The following GABPB1 variants were observed in gnomAD, a reference collection of about 807,000 sequenced individuals.
GABPB1 encodes the protein GA-binding protein subunit beta-1.
In GABPB1, 15 loss-of-function variants were observed where a neutral mutation model predicts 45.9. The observed-to-expected ratio is 0.33, with a 90% CI of 0.22 to 0.50. The LOEUF is 0.50. Among genes scored for constraint, GABPB1 ranks in the 20% least tolerant of loss-of-function variants. GABPB1 has a pLI of 0.98. For missense variants in GABPB1, 252 were observed against 457.5 expected (o/e 0.55, Z 4.10); for synonymous variants, 143 against 154.4 (o/e 0.93, Z 0.55).
intron 6 of GABPB1, among the ~76,000 whole-genome samples, chr15:50,292,534 A>G (rs2046384805): frequency 6.6e-6 from 1 of 152,154 alleles, no homozygotes; most frequent in African/African-American, 2.4e-5. Context: ...CCAAGTGGTC[A>G]TTATCAGGAT....
intron 6 of GABPB1, 117 bp from the exon 7 acceptor site, chr15:50,289,785 T>TTTTTTA (rs10645125): frequency 7.7e-6 from 6 of 782,488 alleles, no homozygotes; most frequent in South Asian, 1.9e-5. Flanking sequence ...TTTTCTTTTT[T>TTTTTTA]AAATAGAGAT....
rs140176493 is a variant in GABPB1, at chr15:50,289,779, C to CTTTTTTTT, written c.698-112_698-111insAAAAAAAA. On this transcript the variant is annotated intron_variant, in intron 6 of 8. Coordinates refer to ENST00000380877, the MANE Select transcript of GABPB1 (RefSeq NM_016654.5). ...TCTATGCTTCTTTCTTTTCTTTTTT[C>CTTTTTTTT]TTTTTTAAATAGAGATAGGGTCTCA... 1,472 of 736,364 alleles carry CTTTTTTTT rather than the reference C, an allele frequency of 2.0e-3. 2 individuals carry two copies. The highest frequency in any genetic ancestry group is 2.2e-3 in the Middle Eastern group (7 of 3,192). 45.6% of individuals were successfully genotyped at this position (736,364 alleles called of 1,614,324 possible).
chr15:50,293,157 C>T (rs1172426914), intron 6 of GABPB1, among the ~76,000 whole-genome samples: 1 of 152,136 alleles, frequency 6.6e-6, no homozygotes, highest in Non-Finnish European at 1.5e-5. Context: ...AATCAAGCTA[C>T]CATCCATATA....
chr15:50,323,922 G>T (rs1050678776), intron 1 of GABPB1, among the ~76,000 whole-genome samples: 69 of 152,018 alleles, frequency 4.5e-4, no homozygotes, highest in African/African-American at 1.5e-3. Flanking sequence ...TAAAAAAATG[G>T]CTGGGTGTGG....
intron 1 of GABPB1, chr15:50,354,262 CT>C (rs1235943962): frequency 1.4e-5 from 5 of 370,146 alleles, no homozygotes; most frequent in South Asian, 9.5e-5. Context: ...GCGGCGAAGT[CT>C]TTGGGGCAGA....
intron 1 of GABPB1, chr15:50,350,286 A>C (rs1471149845): frequency 6.6e-6 from 1 of 150,822 alleles, no homozygotes; most frequent in East Asian, 1.9e-4. Flanking sequence ...AAGCAGAAAT[A>C]GTACTACCCA....
chr15:50,346,519 A>T (rs1340205454), intron 1 of GABPB1: 3 of 152,144 alleles, frequency 2.0e-5, no homozygotes, highest in African/African-American at 7.2e-5. Flanking sequence ...AGTTAAGCTA[A>T]ACGTCTCAGA....
At chr15:50,297,749 C>T (rs569757573) in intron 6 of GABPB1, among the ~76,000 whole-genome samples, 54 of 152,184 alleles carry the variant, frequency 3.5e-4, no homozygotes, top group East Asian at 9.7e-4. Context: ...GCAGGAGAAT[C>T]GCTTGAACCC....
At chr15:50,288,811 G>A (rs1328541465) in intron 7 of GABPB1, among the ~76,000 whole-genome samples, 1 of 151,776 alleles carries the variant, frequency 6.6e-6, no homozygotes, top group East Asian at 1.9e-4. Context: ...CCTACTACAA[G>A]TCCTAAGTCC....
intron 2 of GABPB1, among the ~76,000 whole-genome samples, chr15:50,309,177 AAG>A (rs2141047399): frequency 6.6e-6 from 1 of 152,194 alleles, no homozygotes. Flanking sequence ...CCCAGAATTA[AAG>A]AGTTATTTTT....
chr15:50,302,445 C>G (rs2046785135), intron 4 of GABPB1, among the ~76,000 whole-genome samples: 1 of 151,892 alleles, frequency 6.6e-6, no homozygotes, highest in South Asian at 2.1e-4. Context: ...GAGTTCAACA[C>G]CAGCCTGGGC....
At chr15:50,282,135 G>A in intron 8 of GABPB1, 1 of 354,830 alleles carries the variant, frequency 2.8e-6, no homozygotes, top group Non-Finnish European at 5.5e-6. Context: ...GGGAGGTCAA[G>A]GCTGCAGTGA....
In GABPB1 at chr15:50,319,793, A is replaced by G. The variant is rs1456801750; in HGVS notation, c.1-9995T>C. The stretch of plus-strand genomic sequence containing the variant: ...GCAGAGGTTGCAGTGAGCCGAGATC[A>G]CACCACTGCACTCCAGCCCAGGCGA... On this transcript the variant is annotated intron_variant, in intron 1 of 8. Transcript: ENST00000380877. Among the ~76,000 whole-genome samples the G allele has an allele frequency of 2.6e-5, 4 of 152,078 alleles. No homozygotes were observed. In the South Asian group the frequency reaches 6.2e-4, roughly 24 times the overall value.
chr15:50,302,859 AAT>A (rs1473058702), intron 4 of GABPB1, 68 bp downstream of exon 4: 1 of 1,019,902 alleles, frequency 9.8e-7, no homozygotes, highest in Non-Finnish European at 1.5e-6. Context: ...AATCATGCAC[AAT>A]ATAAGAGATC....
At chr15:50,335,915 A>AAAAAAAAAG (rs747229560) in intron 1 of GABPB1, among the ~76,000 whole-genome samples, 57 of 104,472 alleles carry the variant, frequency 5.5e-4, no homozygotes, top group African/African-American at 9.4e-4. Flanking sequence ...AAAAAAAAAA[A>AAAAAAAAAG]AAGAAGACTG....
intron 1 of GABPB1, among the ~76,000 whole-genome samples, chr15:50,347,809 A>C (rs1041237312): frequency 1.3e-5 from 2 of 152,152 alleles, no homozygotes; most frequent in Non-Finnish European, 2.9e-5. Context: ...TAATCTCAGC[A>C]CTTTGGGAGG....
At chr15:50,347,415 AAAT>A (rs1417778878) in intron 1 of GABPB1, 1 of 152,130 alleles carries the variant, frequency 6.6e-6, no homozygotes, top group South Asian at 2.1e-4. Flanking sequence ...TTATTATTAA[AAAT>A]AATAATAAAT....
intron 1 of GABPB1, chr15:50,354,239 C>G: frequency 2.8e-6 from 1 of 354,468 alleles, no homozygotes; most frequent in Non-Finnish European, 5.5e-6. Context: ...AGGCAGTGCA[C>G]CCGCAGTTCT....
At chr15:50,300,698 C>T (rs773181632) in intron 6 of GABPB1, 91 bp downstream of exon 6, 1 of 760,974 alleles carries the variant, frequency 1.3e-6, no homozygotes. Context: ...ACCCGCCTCG[C>T]CCTCCCAAAG....
Sources: allele counts gnomAD v4.1 joint callset (sites outside exome capture counted in the v4.1 genomes callset), GRCh38; gene constraint gnomAD v4.1.1; transcripts MANE v1.5; gene names NCBI Gene and HGNC (gene_info 2026-07-23, HGNC 2026-07-21).